RANBP2: variants seen among roughly 807,000 people sequenced by gnomAD.
RANBP2 encodes E3 SUMO-protein ligase RanBP2.
Under a neutral mutation model 303.6 loss-of-function variants are expected in RANBP2, and 57 were observed. The observed-to-expected ratio is 0.19, with a 90% CI of 0.15 to 0.23. The LOEUF (loss-of-function observed/expected upper bound fraction) is 0.23. RANBP2 is among the 10% of genes least tolerant of loss of function. RANBP2 has a pLI of 1.00. For synonymous variants in RANBP2, 1,167 were observed against 1,301.5 expected, an observed-to-expected ratio of 0.90 and a Z score of 2.23; for missense variants, 3,138 against 3,780.8, an observed-to-expected ratio of 0.83 and a Z score of 4.46.
the RANBP2 span, chr2:109,347,627 T>C: frequency 1.6e-5 from 26 of 1,590,054 alleles, no homozygotes; most frequent in Non-Finnish European, 2.2e-5. Context: ...CTGTGGGGCA[T>C]TGGGAAGGGG....
At chr2:108,814,206 G>A in the RANBP2 span, among the ~76,000 whole-genome samples, 4 of 152,166 alleles carry the variant, frequency 2.6e-5, no homozygotes, top group South Asian at 4.2e-4. Flanking sequence ...TGTACAAATG[G>A]GAGTGTAATG....
the RANBP2 span, chr2:109,432,432 A>G: frequency 2.5e-6 from 4 of 1,578,154 alleles, no homozygotes; most frequent in Non-Finnish European, 3.4e-6. Flanking sequence ...ACCTCCCCCC[A>G]GGAATGCCGG....
rs139840098 is a variant in RANBP2 at position 108,763,149 on chromosome 2, T to C, written c.2698-88T>C. ...TGAGATCTTCTTCACTTCATATTCATGTTTGAAGTTTGTGAGAATTGGTTT... is the reference window on the plus strand; with the variant it reads ...TGAGATCTTCTTCACTTCATATTCACGTTTGAAGTTTGTGAGAATTGGTTT... On this transcript the variant is annotated intron_variant, in intron 19 of 28. Transcript: ENST00000283195. 469 of 1,357,938 alleles carry C rather than the reference T, an allele frequency of 3.5e-4. 2 individuals are homozygous for C. In the African/African-American group the frequency reaches 5.9e-3, roughly 17 times the overall value. 84.1% of individuals were successfully genotyped at this position (1,357,938 alleles called of 1,614,324 possible). A position where few individuals can be genotyped will look rare whatever the true frequency, so the allele number is the denominator to read the frequency against.
At chr2:108,772,280 AGGAGATC>A (rs980164144) in intron 21 of RANBP2, among the ~76,000 whole-genome samples, 24 of 152,208 alleles carry the variant, frequency 1.6e-4, no homozygotes, top group Non-Finnish European at 2.2e-4. Context: ...TTATGGGACA[AGGAGATC>A]GGAAGATGAA....
the RANBP2 span, among the ~76,000 whole-genome samples, chr2:109,125,072 C>T: frequency 6.6e-6 from 1 of 152,270 alleles, no homozygotes; most frequent in Non-Finnish European, 1.5e-5. Context: ...GTGGAGGCTA[C>T]AGTCCAGGCT....
chr2:108,962,254 G>A, the RANBP2 span, among the ~76,000 whole-genome samples: 5 of 152,194 alleles, frequency 3.3e-5, no homozygotes, highest in Non-Finnish European at 7.3e-5. Flanking sequence ...GTGAACCAAC[G>A]TTCATTCGCA....
At chr2:109,307,426 T>C in the RANBP2 span, among the ~76,000 whole-genome samples, 1 of 132,294 alleles carries the variant, frequency 7.6e-6, no homozygotes, top group Non-Finnish European at 1.5e-5. Flanking sequence ...ATGCACTTTT[T>C]TTTTTTATTA....
chr2:109,592,984 GTAGT>G, the RANBP2 span: 1 of 1,067,672 alleles, frequency 9.4e-7, no homozygotes, highest in South Asian at 2.2e-5. Flanking sequence ...AGCACTCCAA[GTAGT>G]TATTTTAAAA....
chr2:108,977,909 A>G, the RANBP2 span, among the ~76,000 whole-genome samples: 2 of 152,266 alleles, frequency 1.3e-5, no homozygotes, highest in Non-Finnish European at 2.9e-5. Context: ...AAGAAACAAC[A>G]GCCATTTGCT....
the RANBP2 span, among the ~76,000 whole-genome samples, chr2:108,803,997 A>G: frequency 6.6e-6 from 1 of 152,162 alleles, no homozygotes; most frequent in Non-Finnish European, 1.5e-5. Flanking sequence ...ACAAAGATTA[A>G]CTTCTTAGAA....
chr2:109,109,033 A>G, the RANBP2 span, among the ~76,000 whole-genome samples: 2 of 151,982 alleles, frequency 1.3e-5, no homozygotes, highest in Non-Finnish European at 2.9e-5. Flanking sequence ...CTCCCCCTTT[A>G]TATATTACTT....
At chr2:109,709,712 T>G in the RANBP2 span, among the ~76,000 whole-genome samples, 1 of 152,250 alleles carries the variant, frequency 6.6e-6, no homozygotes, top group African/African-American at 2.4e-5. Context: ...CATTTACATA[T>G]GGAGGGAAGG....
the RANBP2 span, among the ~76,000 whole-genome samples, chr2:109,570,597 T>C: frequency 6.6e-6 from 1 of 151,886 alleles, no homozygotes; most frequent in African/African-American, 2.4e-5. Flanking sequence ...TGATGTTGGC[T>C]CACTGCAACC....
At chr2:108,863,228 A>G in the RANBP2 span, among the ~76,000 whole-genome samples, 2 of 152,204 alleles carry the variant, frequency 1.3e-5, no homozygotes, top group Non-Finnish European at 2.9e-5. Context: ...TAAAGGAAGG[A>G]TAATTTCAAT....
chr2:108,871,370 TAAAAAAAAAA>T, the RANBP2 span, among the ~76,000 whole-genome samples: 2 of 76,672 alleles, frequency 2.6e-5, no homozygotes, highest in East Asian at 3.9e-4. Flanking sequence ...CCAACTCTAT[TAAAAAAAAAA>T]AAAAAAAAAA....
the RANBP2 span, among the ~76,000 whole-genome samples, chr2:109,142,703 T>C: frequency 1.3e-5 from 2 of 152,170 alleles, no homozygotes; most frequent in Non-Finnish European, 2.9e-5. Flanking sequence ...GAGCATGGGC[T>C]GTCGGGCCTG....
the RANBP2 span, among the ~76,000 whole-genome samples, chr2:109,200,514 T>A: frequency 6.6e-6 from 1 of 152,134 alleles, no homozygotes; most frequent in Non-Finnish European, 1.5e-5. Flanking sequence ...GGTCCAAGCC[T>A]CCGACTCTGC....
chr2:109,406,617 C>T, the RANBP2 span, among the ~76,000 whole-genome samples: 7 of 152,126 alleles, frequency 4.6e-5, no homozygotes, highest in East Asian at 1.4e-3. Flanking sequence ...GGGTCACACA[C>T]GCCCATTTGT....
chr2:109,099,088 C>T, the RANBP2 span, among the ~76,000 whole-genome samples: 27 of 152,240 alleles, frequency 1.8e-4, no homozygotes, highest in Admixed American at 5.9e-4. Flanking sequence ...GAGAAAGGAA[C>T]GAGTGGAACA....
Sources: gnomAD v4.1 joint callset for allele counts (sites outside exome capture counted in the v4.1 genomes callset) on GRCh38, gnomAD v4.1.1 for gene constraint, MANE v1.5 for transcripts, NCBI Gene and HGNC (gene_info 2026-07-23, HGNC 2026-07-21) for gene names.